GNG4: variants seen among roughly 807,000 people sequenced by gnomAD.
GNG4 encodes G protein subunit gamma 4.
GNG4 carries 4 observed loss-of-function variants against 5.8 expected under a neutral mutation model. That is an observed-to-expected ratio of 0.69 (90% CI 0.34 to 1.57). The LOEUF (loss-of-function observed/expected upper bound fraction) is 1.57, where lower values mean the gene tolerates loss of function less well. Among genes scored for constraint, GNG4 ranks in the 40% most tolerant of loss-of-function variants. The pLI is 0.06. For synonymous variants in GNG4, 29 were observed against 32.9 expected (o/e 0.88, Z 0.41); for missense variants, 96 against 95.1 (o/e 1.01, Z -0.04).
At chr1:235,581,311 C>T (rs930445868) in intron 3 of GNG4, among the ~76,000 whole-genome samples, 5 of 152,042 alleles carry the variant, frequency 3.3e-5, no homozygotes, top group African/African-American at 9.7e-5. Flanking sequence ...AGGCGGATCA[C>T]GAGGTCAAGA....
intron 3 of GNG4, among the ~76,000 whole-genome samples, chr1:235,556,861 G>A (rs1381158367): frequency 2.0e-5 from 3 of 151,928 alleles, no homozygotes; most frequent in African/African-American, 7.3e-5. Flanking sequence ...TGGAGGTGAT[G>A]GGAGACAGTG....
At chr1:235,583,956 G>C (rs1687704405) in intron 2 of GNG4, 108 bp from the exon 3 acceptor site, 4 of 592,190 alleles carry the variant, frequency 6.8e-6, no homozygotes, top group Non-Finnish European at 1.2e-5. Context: ...GAGCATCTGG[G>C]AGCATGGACA....
chr1:235,579,728 G>A, intron 3 of GNG4, among the ~76,000 whole-genome samples: 1 of 152,018 alleles, frequency 6.6e-6, no homozygotes, highest in East Asian at 1.9e-4. Context: ...GCTCATGCCT[G>A]TGATCCCAGC....
At chr1:235,568,118 T>C (rs573688998) in intron 3 of GNG4, among the ~76,000 whole-genome samples, 1 of 151,944 alleles carries the variant, frequency 6.6e-6, no homozygotes, top group East Asian at 1.9e-4. Context: ...GTGCTGCCCG[T>C]TGCTTCCTTG....
chr1:235,588,031 C>T (rs1284425875), intron 2 of GNG4, among the ~76,000 whole-genome samples: 1 of 151,840 alleles, frequency 6.6e-6, no homozygotes, highest in Non-Finnish European at 1.5e-5. Flanking sequence ...TCCCGTCAGG[C>T]CCCTGCAGCT....
chr1:235,566,101 C>T (rs1687186712), intron 3 of GNG4: 1 of 152,196 alleles, frequency 6.6e-6, no homozygotes, highest in African/African-American at 2.4e-5. Flanking sequence ...CATTTGAATC[C>T]CAGTGATAGA....
At chr1:235,589,550 C>T (rs889561866) in intron 2 of GNG4, among the ~76,000 whole-genome samples, 6 of 152,174 alleles carry the variant, frequency 3.9e-5, no homozygotes, top group African/African-American at 1.4e-4. Flanking sequence ...CCCATCCGCC[C>T]ACTCCCCTCG....
chr1:235,636,169 GC>G (rs1291201651), intron 1 of GNG4, among the ~76,000 whole-genome samples: 2 of 152,186 alleles, frequency 1.3e-5, no homozygotes, highest in Non-Finnish European at 2.9e-5. Flanking sequence ...TTTTCACCGT[GC>G]TTCCTCATAC....
chr1:235,552,294 AG>A, intron 3 of GNG4, 57 bp from the exon 4 acceptor site: 1 of 1,552,296 alleles, frequency 6.4e-7, no homozygotes, highest in Non-Finnish European at 8.9e-7. Flanking sequence ...GAGTGAGTCC[AG>A]GGAAGAGGTG....
At chr1:235,587,220 G>GGTGAGT (rs1687783039) in intron 2 of GNG4, among the ~76,000 whole-genome samples, 1 of 83,740 alleles carries the variant, frequency 1.2e-5, no homozygotes, top group African/African-American at 7.6e-5. Context: ...TGAGGGTGTG[G>GGTGAGT]GTGAGTGTGA....
At chr1:235,614,140 T>C (rs764355529) in intron 1 of GNG4, among the ~76,000 whole-genome samples, 1 of 152,230 alleles carries the variant, frequency 6.6e-6, no homozygotes, top group Non-Finnish European at 1.5e-5. Context: ...CTGTGTGATC[T>C]TTGGTTGTTT....
chr1:235,555,634 G>A (rs1415476353), intron 3 of GNG4, among the ~76,000 whole-genome samples: 3 of 144,094 alleles, frequency 2.1e-5, no homozygotes, highest in African/African-American at 5.2e-5. Context: ...AGCTGTGATC[G>A]CACCACTGCA....
chr1:235,627,452 A>AAG (rs1688840006), intron 1 of GNG4, among the ~76,000 whole-genome samples: 1 of 151,858 alleles, frequency 6.6e-6, no homozygotes, highest in African/African-American at 2.4e-5. Flanking sequence ...CAAACTCCTG[A>AAG]CCTTGTAATC....
At chr1:235,558,968 C>T (rs1686987398) in intron 3 of GNG4, among the ~76,000 whole-genome samples, 1 of 152,186 alleles carries the variant, frequency 6.6e-6, no homozygotes, top group East Asian at 1.9e-4. Flanking sequence ...CTGTTAGTTG[C>T]ACTATAATTA....
chr1:235,650,208 G>A (rs1319832266), upstream of GNG4, among the ~76,000 whole-genome samples: 1 of 115,232 alleles, frequency 8.7e-6, no homozygotes, highest in African/African-American at 2.8e-5. Flanking sequence ...GAGCCCGCGT[G>A]GCCGGGGGAC....
In GNG4 at chr1:235,620,628, C is replaced by T. The variant is rs575806771; in HGVS notation, c.-122-25117G>A. ...TCGGCTCACTGCAAGCTCCGCCTCC[C>T]GCGTTCATGCCATTCTCCTGCCTCA... is the stretch of plus-strand genomic sequence containing the variant. On this transcript the variant is annotated intron_variant, in intron 1 of 3. Transcript: ENST00000391854. 2.4e-3 allele frequency among the ~76,000 whole-genome samples: 364 copies of T among 152,130 alleles called. 1 individual carries two copies. Among genetic ancestry groups the T allele is most frequent in the Middle Eastern group, 0.017 (5 of 294 alleles).
chr1:235,599,348 G>A (rs950125593), intron 1 of GNG4, among the ~76,000 whole-genome samples: 7 of 147,620 alleles, frequency 4.7e-5, no homozygotes, highest in African/African-American at 1.3e-4. Flanking sequence ...ACAGAGTCTC[G>A]CTTTGTTGCC....
intron 3 of GNG4, among the ~76,000 whole-genome samples, chr1:235,568,000 T>C (rs1687242066): frequency 6.6e-6 from 1 of 152,184 alleles, no homozygotes; most frequent in South Asian, 2.1e-4. Context: ...TCCCTCACTC[T>C]GCACGTAGCC....
At chr1:235,615,579 T>C in intron 1 of GNG4, 1 of 210,328 alleles carries the variant, frequency 4.8e-6, no homozygotes. Flanking sequence ...CTGGGGCTTT[T>C]GATTTCAACC....
Sources: allele counts gnomAD v4.1 joint callset (sites outside exome capture counted in the v4.1 genomes callset), GRCh38; gene constraint gnomAD v4.1.1; transcripts MANE v1.5; gene names NCBI Gene and HGNC (gene_info 2026-07-23, HGNC 2026-07-21).